Variants in C1QTNF1 observed in about 807,000 individuals in gnomAD.
C1QTNF1 encodes complement C1q tumor necrosis factor-related protein 1.
Under a neutral mutation model 27.8 loss-of-function variants are expected in C1QTNF1, and 22 were observed. The observed-to-expected ratio is 0.79, with a 90% CI of 0.56 to 1.13. C1QTNF1 has a LOEUF of 1.13. C1QTNF1 is among the 50% of genes most tolerant of loss of function. The probability of loss-of-function intolerance (pLI) is 0.00; values close to 1 mark genes in which losing one functional copy is unlikely to be tolerated. For missense variants in C1QTNF1, 373 were observed against 380.2 expected (o/e 0.98, Z 0.16); for synonymous variants, 166 against 154.3 (o/e 1.08, Z -0.56).
intron 1 of C1QTNF1, among the ~76,000 whole-genome samples, chr17:79,038,174 G>C (rs546556774): frequency 6.9e-4 from 105 of 152,122 alleles, no homozygotes; most frequent in African/African-American, 2.4e-3. Flanking sequence ...ATTTTTAGTA[G>C]AGATGGGGTT....
At chr17:79,035,155 C>A (rs1426190784) in intron 1 of C1QTNF1, among the ~76,000 whole-genome samples, 1 of 152,288 alleles carries the variant, frequency 6.6e-6, no homozygotes, top group South Asian at 2.1e-4. Context: ...GCAGATGTCA[C>A]CTGTCAGAAG....
At chr17:79,030,362 C>T (rs1356059673) in intron 1 of C1QTNF1, among the ~76,000 whole-genome samples, 2 of 146,912 alleles carry the variant, frequency 1.4e-5, no homozygotes, top group East Asian at 2.0e-4. Context: ...TATGTGTGTG[C>T]CTGTATGTGC....
At position 79,046,375 on chromosome 17, in the gene C1QTNF1, T is replaced by C. The variant is rs2072572954; in HGVS notation, c.156-180T>C. On this transcript the variant is annotated intron_variant, in intron 2 of 3. Coordinates refer to ENST00000579760, the MANE Select transcript of C1QTNF1 (RefSeq NM_030968.5). The surrounding 1 kb of genome is among the most constrained non-coding windows in gnomAD (Gnocchi z 4.8). The stretch of plus-strand genomic sequence containing the variant: ...CCTTTAACAGAGGGCAGGGGGCTCG[T>C]TCGGTAGTGAGGATCCCAGAGTGGG... 6.6e-6 allele frequency among the ~76,000 whole-genome samples: 1 copy of C among 152,098 alleles called. No homozygotes were observed.
rs79856222 is a variant in C1QTNF1 at position 79,028,411 on chromosome 17, C to T, written c.-15+3917C>T. 8.1e-3 allele frequency among the ~76,000 whole-genome samples: 1,234 copies of T among 152,312 alleles called. 36 individuals are homozygous for T. In the East Asian group the frequency reaches 0.1, roughly 13 times the overall value. ...TTCGAGGCAGATGTAGGTCAGAAGG[C>T]GGGCAGGGCCCCCTGACTCTGCCCA... On this transcript the variant is annotated intron_variant, in intron 1 of 3. Coordinates refer to ENST00000579760, the MANE Select transcript of C1QTNF1 (RefSeq NM_030968.5).
At chr17:79,042,719 G>A (rs1463010368) in intron 1 of C1QTNF1, among the ~76,000 whole-genome samples, 3 of 152,180 alleles carry the variant, frequency 2.0e-5, no homozygotes, top group African/African-American at 4.8e-5. Context: ...TGGGGCCAGC[G>A]GCTGATGGAC....
chr17:79,035,155 C>T (rs1426190784), intron 1 of C1QTNF1, among the ~76,000 whole-genome samples: 1 of 152,170 alleles, frequency 6.6e-6, no homozygotes, highest in Non-Finnish European at 1.5e-5. Context: ...GCAGATGTCA[C>T]CTGTCAGAAG....
intron 3 of C1QTNF1, 67 bp from the exon 4 acceptor site, chr17:79,047,471 A>G (rs2072616089): frequency 2.8e-6 from 4 of 1,444,362 alleles, no homozygotes; most frequent in Middle Eastern, 4.8e-4. Flanking sequence ...CCGGAGAGTG[A>G]GCAGCCAAGG....
At chr17:79,029,504 T>C (rs991707647) in intron 1 of C1QTNF1, among the ~76,000 whole-genome samples, 3 of 151,862 alleles carry the variant, frequency 2.0e-5, no homozygotes, top group Non-Finnish European at 4.4e-5. Flanking sequence ...GAAGGCACCA[T>C]GGCCAGAGTC....
intron 1 of C1QTNF1, among the ~76,000 whole-genome samples, chr17:79,032,229 G>A (rs986926696): frequency 6.6e-6 from 1 of 152,172 alleles, no homozygotes; most frequent in Non-Finnish European, 1.5e-5. Context: ...TCCCGGAGGA[G>A]GTGGCCTCAG....
chr17:79,038,182 G>A (rs1018897063), intron 1 of C1QTNF1, among the ~76,000 whole-genome samples: 10 of 151,952 alleles, frequency 6.6e-5, no homozygotes, highest in Non-Finnish European at 1.2e-4. Flanking sequence ...TAGAGATGGG[G>A]TTTCACCATG....
chr17:79,044,040 G>C lies in C1QTNF1; in HGVS notation c.72G>C (p.Leu24=), dbSNP rs752858552. ...LLLAFASGLV[L]SRVPHVQGEQ... ...TTGCCTTTGCCTCTGGCCTGGTCCT[G>C]AGTCGTGTGCCCCATGTCCAGGGGG... The change falls in exon 2 of 4, where the codon CTG becomes CTC. Residue 24 remains leucine, a synonymous_variant. Coordinates refer to ENST00000579760, the MANE Select transcript of C1QTNF1 (RefSeq NM_030968.5). 2 of 1,613,882 alleles carry C rather than the reference G, an allele frequency of 1.2e-6. No homozygotes were observed. Among genetic ancestry groups the C allele is most frequent in the Admixed American group, 1.7e-5 (1 of 59,966 alleles).
chr17:79,038,053 G>A (rs187153086), intron 1 of C1QTNF1, among the ~76,000 whole-genome samples: 26 of 151,704 alleles, frequency 1.7e-4, no homozygotes, highest in Admixed American at 1.4e-3. Context: ...GCAGTGGCGC[G>A]ATCTTGGCTC....
rs1230131670 is a variant in C1QTNF1, at chr17:79,046,037, C to T, written c.156-518C>T. Among the ~76,000 whole-genome samples, 1 of 152,172 alleles carries T rather than the reference C, an allele frequency of 6.6e-6. No individual in the cohort carries two copies. Among genetic ancestry groups the T allele is most frequent in the Non-Finnish European group, 1.5e-5 (1 of 68,024 alleles). The stretch of plus-strand genomic sequence containing the variant: ...GAGCACATGTGATGCCATGAGGGGC[C>T]GCGAGGTGGCAGCCAGGAGCCGCCG... On this transcript the variant is annotated intron_variant, in intron 2 of 3. Transcript: ENST00000579760. The surrounding 1 kb of genome is among the most constrained non-coding windows in gnomAD (Gnocchi z 4.8).
chr17:79,033,583 G>A (rs1340421428), intron 1 of C1QTNF1, among the ~76,000 whole-genome samples: 1 of 151,774 alleles, frequency 6.6e-6, no homozygotes, highest in Admixed American at 6.6e-5. Flanking sequence ...GCATGTGCTT[G>A]TAGTTCCAGC....
intron 1 of C1QTNF1, chr17:79,043,346 T>C (rs571209467): frequency 3.7e-4 from 167 of 453,656 alleles, no homozygotes; most frequent in African/African-American, 3.2e-3. Flanking sequence ...TGTGAGCATG[T>C]GGATTGCATG....
chr17:79,044,822 G>A (rs181539418), intron 2 of C1QTNF1, among the ~76,000 whole-genome samples: 1 of 152,328 alleles, frequency 6.6e-6, no homozygotes, highest in Admixed American at 6.5e-5. Flanking sequence ...TGAGCGTTGG[G>A]CTGACTTGAT....
At chr17:79,043,244 G>T (rs1689630099) in intron 1 of C1QTNF1, 1 of 453,488 alleles carries the variant, frequency 2.2e-6, no homozygotes, top group Non-Finnish European at 4.4e-6. Context: ...ATGTGATATG[G>T]GTATATGTAT....
intron 1 of C1QTNF1, among the ~76,000 whole-genome samples, chr17:79,030,151 C>A (rs2072085454): frequency 6.6e-6 from 1 of 152,108 alleles, no homozygotes; most frequent in Non-Finnish European, 1.5e-5. Context: ...GCTTATTTGT[C>A]ATTTTTCTAG....
chr17:79,030,790 G>A (rs1273004898), intron 1 of C1QTNF1, among the ~76,000 whole-genome samples: 2 of 151,784 alleles, frequency 1.3e-5, no homozygotes, highest in Admixed American at 1.3e-4. Context: ...TAGTAGAGAC[G>A]GGGTTTTACC....
Sources: allele counts gnomAD v4.1 joint callset (sites outside exome capture counted in the v4.1 genomes callset), GRCh38; gene constraint gnomAD v4.1.1; non-coding constraint Gnocchi (gnomAD v3.1); transcripts MANE v1.5; gene names NCBI Gene and HGNC (gene_info 2026-07-23, HGNC 2026-07-21).